SEC14L1: variants seen among roughly 807,000 people sequenced by gnomAD.
SEC14L1 encodes the protein SEC14-like protein 1.
In SEC14L1, 48 loss-of-function variants were observed where a neutral mutation model predicts 85.3. That is an observed-to-expected ratio of 0.56 (90% CI 0.45 to 0.72). The LOEUF (loss-of-function observed/expected upper bound fraction) is 0.72. SEC14L1 is among the 30% of genes least tolerant of loss of function. The pLI, the probability that SEC14L1 is intolerant of heterozygous loss-of-function variation, is 0.00. For missense variants in SEC14L1, 682 were observed against 921.4 expected (o/e 0.74, Z 3.36); for synonymous variants, 391 against 355.5 (o/e 1.10, Z -1.12).
chr17:77,197,438 T>G (rs1598384159), intron 8 of SEC14L1, among the ~76,000 whole-genome samples: 1 of 152,214 alleles, frequency 6.6e-6, no homozygotes, highest in East Asian at 1.9e-4. Flanking sequence ...CAACATGCTT[T>G]TTTTGTATTC....
At chr17:77,188,445 C>T (rs1692856950) in intron 3 of SEC14L1, among the ~76,000 whole-genome samples, 1 of 151,038 alleles carries the variant, frequency 6.6e-6, no homozygotes, top group South Asian at 2.1e-4. Context: ...ATAATTCTCC[C>T]ACGATTCATC....
rs1026041300 is a variant in SEC14L1, at chr17:77,216,641, A to C, written c.*2618A>C. The C allele has an allele frequency of 6.2e-6, 10 of 1,611,176 alleles. No homozygotes were observed. The African/African-American group carries it at 1.1e-4, about 17-fold the overall frequency. On this transcript the variant is annotated 3_prime_UTR_variant, in exon 17 of 17. Coordinates refer to ENST00000436233, the MANE Select transcript of SEC14L1 (RefSeq NM_001143998.2). ...TTATAGAACTGTTTGAATTGCAGCCATCCCCTGCCCCCTCCCAGGCTGAAG... is the reference window on the plus strand; with the variant it reads ...TTATAGAACTGTTTGAATTGCAGCCCTCCCCTGCCCCCTCCCAGGCTGAAG...
intron 3 of SEC14L1, among the ~76,000 whole-genome samples, chr17:77,182,674 A>C (rs2143749141): frequency 6.6e-6 from 1 of 152,256 alleles, no homozygotes; most frequent in East Asian, 1.9e-4. Context: ...GTTGGGCGTG[A>C]TTAGGAAATG....
At chr17:77,097,164 T>A (rs1263189240) in intron 3 of SEC14L1, among the ~76,000 whole-genome samples, 1 of 152,214 alleles carries the variant, frequency 6.6e-6, no homozygotes, top group Non-Finnish European at 1.5e-5. Flanking sequence ...CCAGACAGTG[T>A]GCATTAAGGG....
chr17:77,213,717 C>T lies in SEC14L1; in HGVS notation c.2043-201C>T, dbSNP rs984126445. On this transcript the variant is annotated intron_variant, in intron 16 of 16. Coordinates refer to ENST00000436233, the MANE Select transcript of SEC14L1 (RefSeq NM_001143998.2). This position sits in a 1 kb window ranked among gnomAD's most constrained non-coding sequence, Gnocchi z 7.1. ...AGCCGACTGACTGCCTTTGCTTTAG[C>T]TCACACTGCCGTCTGCGTGCAGGCT... The T allele has an allele frequency of 1.0e-5, 9 of 858,234 alleles. No individual in the cohort carries two copies. The highest frequency in any genetic ancestry group is 1.7e-5 in the Non-Finnish European group (9 of 527,358). The allele number at this position is 858,234 out of a possible 1,614,324, so 53.2% of individuals were successfully genotyped here. A position where few individuals can be genotyped will look rare whatever the true frequency, so the allele number is the denominator to read the frequency against.
chr17:77,176,852 G>A (rs905280996), intron 3 of SEC14L1, among the ~76,000 whole-genome samples: 8 of 152,140 alleles, frequency 5.3e-5, no homozygotes, highest in Non-Finnish European at 2.9e-5. Context: ...CTCCCAAAGT[G>A]CTGGGATTAC....
intron 6 of SEC14L1, among the ~76,000 whole-genome samples, chr17:77,194,247 T>A (rs1000947813): frequency 6.6e-6 from 1 of 152,182 alleles, no homozygotes; most frequent in African/African-American, 2.4e-5. Context: ...AATTCAGTTT[T>A]ATTGGTGTTT....
intron 3 of SEC14L1, among the ~76,000 whole-genome samples, chr17:77,170,567 A>G (rs1180487523): frequency 1.3e-5 from 2 of 152,200 alleles, no homozygotes; most frequent in Non-Finnish European, 2.9e-5. Flanking sequence ...CTTTGTTTCA[A>G]AAGTGGGAAT....
chr17:77,120,772 C>T (rs879412211), intron 3 of SEC14L1, among the ~76,000 whole-genome samples: 1 of 152,218 alleles, frequency 6.6e-6, no homozygotes, highest in Non-Finnish European at 1.5e-5. Flanking sequence ...CCACTGCGAC[C>T]GGCCCCTTCT....
At chr17:77,126,930 G>A (rs961719578) in intron 3 of SEC14L1, among the ~76,000 whole-genome samples, 10 of 151,616 alleles carry the variant, frequency 6.6e-5, no homozygotes, top group African/African-American at 1.2e-4. Flanking sequence ...GAGCAGGGGC[G>A]CCTCCCTTCC....
chr17:77,216,253 CGTAGGTAGGGTTCGTAGGTAGGGT>C lies in SEC14L1; in HGVS notation c.*2231_*2254del, dbSNP rs1977077109. Reference sequence around the variant, plus strand: ...GTAGGTAGGGTTCGTAGGTAGGGTTCGTAGGTAGGGTTCGTAGGTAGGGTTAGTAGGTAGGGTTCGTAGGTAGGG... The same window carrying C: ...GTAGGTAGGGTTCGTAGGTAGGGTTCTAGTAGGTAGGGTTCGTAGGTAGGG... On this transcript the variant is annotated 3_prime_UTR_variant, in exon 17 of 17. Coordinates refer to ENST00000436233, the MANE Select transcript of SEC14L1 (RefSeq NM_001143998.2). The C allele has an allele frequency of 6.2e-6, 4 of 642,984 alleles. No homozygotes were observed. Among genetic ancestry groups the C allele is most frequent in the Non-Finnish European group, 7.7e-6 (4 of 520,694 alleles). The allele number at this position is 642,984 out of a possible 1,614,324, so 39.8% of individuals were successfully genotyped here.
chr17:77,166,304 A>G (rs188030220), intron 3 of SEC14L1, among the ~76,000 whole-genome samples: 95 of 152,286 alleles, frequency 6.2e-4, no homozygotes, highest in African/African-American at 1.9e-3. Flanking sequence ...TCTTTCAACA[A>G]TGCTGCAAGT....
chr17:77,089,681 C>G, intron 2 of SEC14L1: 1 of 338,472 alleles, frequency 3.0e-6, no homozygotes, highest in Non-Finnish European at 5.8e-6. Context: ...CTGGGAACTA[C>G]AACCCAGTTA....
In SEC14L1 at chr17:77,209,373, A is replaced by C; in HGVS notation, c.1508A>C (p.Lys503Thr). ...CEVPEGGLVP[K>T]SLYRTAEELE... is the part of the protein sequence containing the mutation. ...GTGCCAGAGGGTGGACTGGTCCCCA[A>C]ATCTCTGTACCGGACTGCAGAGGAG... Residue 503 changes from lysine (K) to threonine (T), a missense_variant, in exon 14 of 17, where the codon AAA becomes ACA. Coordinates refer to ENST00000436233, the MANE Select transcript of SEC14L1 (RefSeq NM_001143998.2). 1 of 1,614,130 alleles carries C rather than the reference A, an allele frequency of 6.2e-7. No individual in the cohort carries two copies. Among genetic ancestry groups the C allele is most frequent in the Non-Finnish European group, 8.5e-7 (1 of 1,180,014 alleles).
intron 3 of SEC14L1, among the ~76,000 whole-genome samples, chr17:77,184,129 A>T (rs971466046): frequency 6.6e-6 from 1 of 152,066 alleles, no homozygotes; most frequent in African/African-American, 2.4e-5. Context: ...CTTTGTCCTG[A>T]GGGCCGCAGA....
At chr17:77,168,233 A>G (rs570377132) in intron 3 of SEC14L1, among the ~76,000 whole-genome samples, 1 of 152,354 alleles carries the variant, frequency 6.6e-6, no homozygotes, top group Admixed American at 6.5e-5. Context: ...AACGTTACAC[A>G]GTTAAACCCT....
At chr17:77,178,469 C>T (rs1974858239) in intron 3 of SEC14L1, among the ~76,000 whole-genome samples, 1 of 152,026 alleles carries the variant, frequency 6.6e-6, no homozygotes. Context: ...TTTCAAGGTC[C>T]TTTAGAATTG....
At chr17:77,094,377 T>G (rs1041157989) in intron 3 of SEC14L1, 5 of 152,218 alleles carry the variant, frequency 3.3e-5, no homozygotes, top group African/African-American at 1.2e-4. Context: ...GTTTGGGGTC[T>G]TGACGGGTGC....
intron 3 of SEC14L1, among the ~76,000 whole-genome samples, chr17:77,118,207 C>T (rs1464905229): frequency 6.6e-6 from 1 of 152,212 alleles, no homozygotes; most frequent in Non-Finnish European, 1.5e-5. Flanking sequence ...ACAGCTTTTC[C>T]CTATCGTTTA....
Sources: gnomAD v4.1 joint callset for allele counts (sites outside exome capture counted in the v4.1 genomes callset) on GRCh38, gnomAD v4.1.1 for gene constraint, Gnocchi (gnomAD v3.1) non-coding constraint, MANE v1.5 for transcripts, NCBI Gene and HGNC (gene_info 2026-07-23, HGNC 2026-07-21) for gene names.